Variants in ZNF804B observed in about 807,000 individuals in gnomAD.
ZNF804B encodes zinc finger protein 804B.
A neutral mutation model predicts 101.4 loss-of-function variants in ZNF804B; 80 were observed. The ratio of observed to expected loss-of-function variants is 0.79; its 90% CI spans 0.66 to 0.95. The LOEUF is 0.95. Among genes scored for constraint, ZNF804B ranks in the 40% least tolerant of loss-of-function variants. ZNF804B has a pLI of 0.00. For missense variants in ZNF804B, 1,673 were observed against 1,561.9 expected, an observed-to-expected ratio of 1.07 and a Z score of -1.20; for synonymous variants, 622 against 558.8, an observed-to-expected ratio of 1.11 and a Z score of -1.59.
At chr7:88,920,646 C>A (rs1412875789) in intron 1 of ZNF804B, among the ~76,000 whole-genome samples, 2 of 151,260 alleles carry the variant, frequency 1.3e-5, no homozygotes, top group Non-Finnish European at 3.0e-5. Flanking sequence ...GGCATGGAAT[C>A]AAAGAGGATG....
chr7:89,120,111 T>A (rs757222462), intron 1 of ZNF804B, among the ~76,000 whole-genome samples: 12 of 152,082 alleles, frequency 7.9e-5, no homozygotes, highest in Non-Finnish European at 1.6e-4. Flanking sequence ...ATCACCTTTA[T>A]CTATCCATTT....
At chr7:88,821,420 A>G (rs1305437414) in intron 1 of ZNF804B, among the ~76,000 whole-genome samples, 2 of 152,220 alleles carry the variant, frequency 1.3e-5, no homozygotes, top group African/African-American at 4.8e-5. Flanking sequence ...ATAATTACAA[A>G]TGGTGTTCAT....
chr7:88,943,893 C>A (rs1793090786), intron 1 of ZNF804B, among the ~76,000 whole-genome samples: 1 of 151,808 alleles, frequency 6.6e-6, no homozygotes, highest in Non-Finnish European at 1.5e-5. Flanking sequence ...TCTTCCGTCA[C>A]TTAGCATATG....
chr7:88,854,414 C>CCTTCCTTTCTTTCTTTCTTT (rs1232481883), intron 1 of ZNF804B, among the ~76,000 whole-genome samples: 1 of 57,114 alleles, frequency 1.8e-5, no homozygotes, highest in Non-Finnish European at 3.6e-5. Flanking sequence ...TTTCTTTCTT[C>CCTTCCTTTCTTTCTTTCTTT]CTTTCTTTCT....
intron 1 of ZNF804B, among the ~76,000 whole-genome samples, chr7:88,832,563 T>C (rs2115785880): frequency 6.6e-6 from 1 of 151,892 alleles, no homozygotes; most frequent in Non-Finnish European, 1.5e-5. Context: ...TCCTTTCTGC[T>C]CTGGGTTTAT....
chr7:89,008,046 T>G (rs755765481), intron 1 of ZNF804B, among the ~76,000 whole-genome samples: 13 of 152,140 alleles, frequency 8.5e-5, no homozygotes, highest in Admixed American at 3.3e-4. Context: ...TACTTTTACA[T>G]TAGTCTAGAT....
At chr7:89,073,492 A>T (rs1369901936) in intron 1 of ZNF804B, among the ~76,000 whole-genome samples, 1 of 152,190 alleles carries the variant, frequency 6.6e-6, no homozygotes, top group Non-Finnish European at 1.5e-5. Flanking sequence ...TACCATAATT[A>T]TCTGATCATC....
At chr7:88,826,090 T>A (rs1008251894) in intron 1 of ZNF804B, among the ~76,000 whole-genome samples, 1 of 152,162 alleles carries the variant, frequency 6.6e-6, no homozygotes, top group Non-Finnish European at 1.5e-5. Context: ...GCACTTGAAG[T>A]GATAAACGAA....
At chr7:88,962,556 T>C (rs948361245) in intron 1 of ZNF804B, among the ~76,000 whole-genome samples, 1 of 150,736 alleles carries the variant, frequency 6.6e-6, no homozygotes, top group Admixed American at 6.6e-5. Flanking sequence ...AATGTCTTGC[T>C]TAGGAAGTAT....
At chr7:88,867,136 G>A (rs757833610) in intron 1 of ZNF804B, among the ~76,000 whole-genome samples, 1 of 152,180 alleles carries the variant, frequency 6.6e-6, no homozygotes, top group Non-Finnish European at 1.5e-5. Context: ...ATCATTAGGA[G>A]TAAACTTGCT....
At chr7:89,236,695 A>G (rs544725365) in intron 2 of ZNF804B, among the ~76,000 whole-genome samples, 1 of 152,216 alleles carries the variant, frequency 6.6e-6, no homozygotes, top group African/African-American at 2.4e-5. Flanking sequence ...ATTAGCATAC[A>G]TAATTTAAGT....
At chr7:88,939,222 A>G (rs1349473067) in intron 1 of ZNF804B, among the ~76,000 whole-genome samples, 1 of 152,060 alleles carries the variant, frequency 6.6e-6, no homozygotes, top group Non-Finnish European at 1.5e-5. Flanking sequence ...CTGTATTTGC[A>G]TATGACCTGT....
At chr7:88,861,904 G>A (rs1383238249) in intron 1 of ZNF804B, among the ~76,000 whole-genome samples, 1 of 152,134 alleles carries the variant, frequency 6.6e-6, no homozygotes, top group Non-Finnish European at 1.5e-5. Flanking sequence ...GAACAAGAAG[G>A]AGATGCAGCC....
intron 1 of ZNF804B, among the ~76,000 whole-genome samples, chr7:89,095,953 C>G (rs1443738875): frequency 6.6e-6 from 1 of 151,866 alleles, no homozygotes; most frequent in Non-Finnish European, 1.5e-5. Flanking sequence ...AGATCGAGAC[C>G]ATCTTGGCTA....
At chr7:89,222,172 A>C (rs78764798) in intron 2 of ZNF804B, among the ~76,000 whole-genome samples, 4 of 151,956 alleles carry the variant, frequency 2.6e-5, no homozygotes, top group Admixed American at 2.6e-4. Flanking sequence ...AGCGTAATCT[A>C]TGAAGAAGCA....
At chr7:89,276,624 A>C (rs1360709105) in intron 2 of ZNF804B, among the ~76,000 whole-genome samples, 2 of 151,966 alleles carry the variant, frequency 1.3e-5, no homozygotes, top group East Asian at 3.8e-4. Context: ...TGTCTGTGAC[A>C]ATCAAAATAA....
chr7:89,211,986 T>C (rs1318652813), intron 1 of ZNF804B, among the ~76,000 whole-genome samples: 2 of 152,128 alleles, frequency 1.3e-5, no homozygotes, highest in East Asian at 1.9e-4. Flanking sequence ...GCATGGAATG[T>C]TTTTCCATTT....
intron 1 of ZNF804B, among the ~76,000 whole-genome samples, chr7:89,117,293 T>C (rs1170637650): frequency 6.6e-6 from 1 of 152,186 alleles, no homozygotes; most frequent in Non-Finnish European, 1.5e-5. Context: ...GTTACAGCAG[T>C]CATAGGAATC....
intron 2 of ZNF804B, among the ~76,000 whole-genome samples, chr7:89,282,778 A>C (rs1208878): frequency 0.24 from 36,664 of 152,026 alleles, 4,667 homozygotes; most frequent in Non-Finnish European, 0.27. Flanking sequence ...GGAGGCAGAC[A>C]CTGGAGTGAT....
Sources: allele counts gnomAD v4.1 joint callset (sites outside exome capture counted in the v4.1 genomes callset), GRCh38; gene constraint gnomAD v4.1.1; transcripts MANE v1.5; gene names NCBI Gene and HGNC (gene_info 2026-07-23, HGNC 2026-07-21).